KIF26A: variants seen among roughly 807,000 people sequenced by gnomAD.
KIF26A encodes kinesin-like protein KIF26A.
Under a neutral mutation model 126.0 loss-of-function variants are expected in KIF26A, and 74 were observed. The observed-to-expected ratio is 0.59, with a 90% CI of 0.49 to 0.71. The LOEUF is 0.71. Ranked by LOEUF, KIF26A falls within the 30% of genes least tolerant of loss-of-function variation. The probability of loss-of-function intolerance (pLI) is 0.00; values close to 1 mark genes in which losing one functional copy is unlikely to be tolerated. For missense variants in KIF26A, 2,984 were observed against 2,763.3 expected, an observed-to-expected ratio of 1.08 and a Z score of -1.79; for synonymous variants, 1,445 against 1,232.7, an observed-to-expected ratio of 1.17 and a Z score of -3.61.
At chr14:104,174,104 C>A in intron 10 of KIF26A, 44 bp from the exon 11 acceptor site, 1 of 1,495,204 alleles carries the variant, frequency 6.7e-7, no homozygotes, top group Non-Finnish European at 9.0e-7. Flanking sequence ...GTCCCCGAAG[C>A]TCCCTTCCCA....
In KIF26A at chr14:104,177,855, C is replaced by A; in HGVS notation, c.5067C>A (p.Gly1689=). ...GCGAGAGTGGGGCTGCCTCCCCAGGCGCCCGCACCCGCAGCCTCAAGTCCC... is the reference window on the plus strand; with the variant it reads ...GCGAGAGTGGGGCTGCCTCCCCAGGAGCCCGCACCCGCAGCCTCAAGTCCC... ...SMSESGAASP[G]ARTRSLKSPK... is the part of the protein sequence containing the mutation. The change falls in exon 12 of 15, where the codon GGC becomes GGA. Residue 1689 remains glycine (G), a synonymous_variant. Transcript: ENST00000423312. 6.4e-7 allele frequency: 1 copy of A among 1,558,018 alleles called. No homozygotes were observed. Among genetic ancestry groups the A allele is most frequent in the South Asian group, 1.2e-5 (1 of 85,738 alleles).
chr14:104,178,891 G>A (rs550895126), intron 13 of KIF26A, 136 bp downstream of exon 13: 15 of 611,136 alleles, frequency 2.5e-5, no homozygotes, highest in African/African-American at 1.9e-4. Context: ...TTCTGTCCAC[G>A]TTCCTCCCAG....
intron 4 of KIF26A, among the ~76,000 whole-genome samples, chr14:104,162,398 C>T (rs1380541496): frequency 2.6e-5 from 4 of 152,198 alleles, no homozygotes; most frequent in Non-Finnish European, 5.9e-5. Flanking sequence ...CCAGGCATAC[C>T]TGAGATCTGT....
chr14:104,165,147 G>A (rs1273526933), intron 4 of KIF26A, among the ~76,000 whole-genome samples: 1 of 151,744 alleles, frequency 6.6e-6, no homozygotes, highest in Non-Finnish European at 1.5e-5. Flanking sequence ...GTGTGTTTCT[G>A]TATGCATGTG....
Position 104,173,624 on chromosome 14 carries a change from C to T in KIF26A, c.1868-82C>T, listed in dbSNP as rs2037983930. 5 of 1,548,368 alleles carry T rather than the reference C, an allele frequency of 3.2e-6. No individual in the cohort carries two copies. In the African/African-American group the frequency reaches 5.4e-5, roughly 17 times the overall value. ...CTGGGGATGTCCCTGGGGTTGTCCC[C>T]AGCTTGGGCCTGGGGTGGGGATGTG... On this transcript the variant is annotated intron_variant, in intron 9 of 14. Transcript: ENST00000423312.
chr14:104,160,393 G>C (rs55667215), intron 4 of KIF26A, among the ~76,000 whole-genome samples: 27,768 of 152,196 alleles, frequency 0.18, 2,932 homozygotes, highest in African/African-American at 0.28. Context: ...GGCTCCTTAT[G>C]TCCACACAGG....
intron 12 of KIF26A, 52 bp downstream of exon 12, chr14:104,177,950 G>C (rs1478586139): frequency 2.1e-6 from 3 of 1,433,444 alleles, no homozygotes; most frequent in Non-Finnish European, 2.7e-6. Flanking sequence ...TCTGTGTGTA[G>C]ATGTGCACAG....
chr14:104,146,642 GT>G (rs2037682819), intron 2 of KIF26A, among the ~76,000 whole-genome samples: 1 of 152,174 alleles, frequency 6.6e-6, no homozygotes, highest in Non-Finnish European at 1.5e-5. Context: ...TCTCCACTGT[GT>G]TTCCATAAGC....
intron 2 of KIF26A, among the ~76,000 whole-genome samples, chr14:104,149,541 C>T (rs761295848): frequency 1.2e-4 from 19 of 152,068 alleles, no homozygotes; most frequent in South Asian, 2.1e-4. Flanking sequence ...CCCGGAGCTC[C>T]GAGGCCTGGA....
At position 104,176,918 on chromosome 14, in the gene KIF26A, C is replaced by A. The variant is rs764347039; in HGVS notation, c.4130C>A (p.Pro1377Gln). The change falls in exon 12 of 15, where the codon CCG (proline) becomes CAG (glutamine). Residue 1377 changes from proline to glutamine, a missense_variant. By Grantham distance (76) the Pro-to-Gln change is moderately conservative. Coordinates refer to ENST00000423312, the MANE Select transcript of KIF26A (RefSeq NM_015656.2). ...RKSSLEQRSS[P>Q]ASAPPHAVNP... ...TCCAGCCTGGAGCAGAGGAGCAGCC[C>A]GGCCTCGGCCCCTCCGCATGCTGTG... 1.3e-6 allele frequency: 2 copies of A among 1,537,378 alleles called. No individual in the cohort carries two copies. Among genetic ancestry groups the A allele is most frequent in the Admixed American group, 2.0e-5 (1 of 50,922 alleles).
intron 4 of KIF26A, among the ~76,000 whole-genome samples, chr14:104,158,915 G>C (rs2037808169): frequency 6.6e-6 from 1 of 152,206 alleles, no homozygotes; most frequent in South Asian, 2.1e-4. Context: ...GCCCAGCCGC[G>C]GGTCAGTGTC....
In KIF26A at chr14:104,167,059, C is replaced by T; in HGVS notation, c.1113+11C>T. On this transcript the variant is annotated intron_variant, in intron 5 of 14. Coordinates refer to ENST00000423312, the MANE Select transcript of KIF26A (RefSeq NM_015656.2). ...GGCAGCATCGGGAAGGTAGACGCAG[C>T]CCCGAGTTCGGGGCCCTGGGTGGGG... The T allele has an allele frequency of 6.6e-7, 1 of 1,520,728 alleles. No individual in the cohort carries two copies. 94.2% of individuals were successfully genotyped at this position (1,520,728 alleles called of 1,614,324 possible). A position where few individuals can be genotyped will look rare whatever the true frequency, so the allele number is the denominator to read the frequency against.
Position 104,152,018 on chromosome 14 carries a change from C to T in KIF26A, c.292C>T (p.Pro98Ser). Reference sequence around the variant, plus strand: ...CTTTGTCCCTTGCTGTCCTCAGGATCCTTGCCTCTCTGCCCTGCTTCTCGA... The same window carrying T: ...CTTTGTCCCTTGCTGTCCTCAGGATTCTTGCCTCTCTGCCCTGCTTCTCGA... ...VSGPGTTLRDPCLSALLLDKL... is the reference protein window; with the variant it reads ...VSGPGTTLRDSCLSALLLDKL... The change falls in exon 3 of 15, where the codon CCT becomes TCT. Residue 98 changes from proline (P) to serine (S), a missense_variant. Pro to Ser is a moderately conservative substitution (Grantham distance 74, BLOSUM62 -1). Transcript: ENST00000423312. This position sits in a 1 kb window ranked among gnomAD's most constrained non-coding sequence, Gnocchi z 5.9. The T allele has an allele frequency of 6.2e-7, 1 of 1,612,612 alleles. No individual in the cohort carries two copies. Among genetic ancestry groups the T allele is most frequent in the Non-Finnish European group, 8.5e-7 (1 of 1,179,730 alleles).
chr14:104,139,386 C>T, intron 2 of KIF26A, 98 bp downstream of exon 2: 3 of 1,307,468 alleles, frequency 2.3e-6, no homozygotes, highest in Non-Finnish European at 3.0e-6. Flanking sequence ...CACTCCTTCC[C>T]TGCTGCTGTT....
At position 104,138,678 on chromosome 14, in the gene KIF26A, C is replaced by G; in HGVS notation, c.-45C>G. The stretch of plus-strand genomic sequence containing the variant: ...CGTAGCCGCGGCGCCCCCGGAGAGC[C>G]AGCGTGGCCGGGAGCGCCTGCCGGG... On this transcript the variant is annotated 5_prime_UTR_variant, in exon 1 of 15. Coordinates refer to ENST00000423312, the MANE Select transcript of KIF26A (RefSeq NM_015656.2). 8.0e-7 allele frequency: 1 copy of G among 1,256,870 alleles called. No homozygotes were observed. Among genetic ancestry groups the G allele is most frequent in the South Asian group, 2.5e-5 (1 of 39,644 alleles). 77.9% of individuals were successfully genotyped at this position (1,256,870 alleles called of 1,614,324 possible).
chr14:104,166,574 T>C (rs186612275), intron 4 of KIF26A, among the ~76,000 whole-genome samples: 5 of 152,218 alleles, frequency 3.3e-5, no homozygotes, highest in African/African-American at 1.2e-4. Flanking sequence ...TGGCATTCAG[T>C]GCAGAGCACA....
chr14:104,158,995 C>T (rs7158950), intron 4 of KIF26A, among the ~76,000 whole-genome samples: 109,954 of 152,208 alleles, frequency 0.72, 40,044 homozygotes, highest in East Asian at 0.92. Context: ...GAGACGAGGG[C>T]GTCTTATCAG....
At position 104,139,092 on chromosome 14, in the gene KIF26A, C is replaced by A. The variant is rs952487027; in HGVS notation, c.92C>A (p.Ser31Tyr). 6 of 1,455,114 alleles carry A rather than the reference C, an allele frequency of 4.1e-6. No individual in the cohort carries two copies. The highest frequency in any genetic ancestry group is 5.4e-6 in the Non-Finnish European group (6 of 1,106,806). The allele number at this position is 1,455,114 out of a possible 1,614,324, so 90.1% of individuals were successfully genotyped here. The part of the protein sequence containing the change: ...AREPPPLLEV[S>Y]PRKRLPAGPD... Reference sequence around the variant, plus strand: ...GAGCCGCCGCCGCTGCTGGAGGTGTCCCCCCGAAAGAGGCTACCCGCCGGG... The same window carrying A: ...GAGCCGCCGCCGCTGCTGGAGGTGTACCCCCGAAAGAGGCTACCCGCCGGG... The change falls in exon 2 of 15, where the codon TCC becomes TAC. Residue 31 changes from serine (S) to tyrosine (Y), a missense_variant. Transcript: ENST00000423312.
intron 12 of KIF26A, 40 bp from the exon 13 acceptor site, chr14:104,178,510 C>A (rs993776578): frequency 2.2e-6 from 3 of 1,394,900 alleles, no homozygotes; most frequent in Non-Finnish European, 1.9e-6. Context: ...TTGGGCTGGG[C>A]CCCGCCTCTG....
Sources: allele counts gnomAD v4.1 joint callset (sites outside exome capture counted in the v4.1 genomes callset), GRCh38; gene constraint gnomAD v4.1.1; non-coding constraint Gnocchi (gnomAD v3.1); transcripts MANE v1.5; gene names NCBI Gene and HGNC (gene_info 2026-07-23, HGNC 2026-07-21).